GABRB2: variants seen among roughly 807,000 people sequenced by gnomAD.
GABRB2 encodes gamma-aminobutyric acid receptor subunit beta-2.
GABRB2 carries 16 observed loss-of-function variants against 54.7 expected under a neutral mutation model. That is an observed-to-expected ratio of 0.29 (90% CI 0.20 to 0.44). GABRB2 has a LOEUF of 0.44. GABRB2 is among the 20% of genes least tolerant of loss of function. GABRB2 has a pLI of 1.00. For missense variants in GABRB2, 355 were observed against 644.0 expected (o/e 0.55, Z 4.86); for synonymous variants, 244 against 233.8 (o/e 1.04, Z -0.40).
intron 3 of GABRB2, among the ~76,000 whole-genome samples, chr5:161,534,796 GA>G (rs769693285): frequency 2.7e-4 from 41 of 151,876 alleles, no homozygotes; most frequent in Non-Finnish European, 5.0e-4. Flanking sequence ...AAGAAAAGAA[GA>G]AAAAACCCCA....
At chr5:161,340,023 C>A (rs1253176618) in intron 5 of GABRB2, among the ~76,000 whole-genome samples, 1 of 151,942 alleles carries the variant, frequency 6.6e-6, no homozygotes, top group Admixed American at 6.6e-5. Context: ...AACAGTATTT[C>A]TTATATAAGG....
At chr5:161,528,625 A>G (rs1760357865) in intron 3 of GABRB2, among the ~76,000 whole-genome samples, 1 of 151,824 alleles carries the variant, frequency 6.6e-6, no homozygotes, top group South Asian at 2.1e-4. Flanking sequence ...ATAATTTATC[A>G]AAAAATGTAA....
chr5:161,359,523 G>A (rs904796719), intron 5 of GABRB2, among the ~76,000 whole-genome samples: 3 of 151,858 alleles, frequency 2.0e-5, no homozygotes, highest in East Asian at 3.9e-4. Flanking sequence ...CAGGGTATAA[G>A]GATGGCAGTA....
intron 5 of GABRB2, among the ~76,000 whole-genome samples, chr5:161,381,858 T>C (rs926663727): frequency 6.6e-5 from 10 of 152,328 alleles, no homozygotes; most frequent in Admixed American, 2.6e-4. Context: ...TAAATAATGA[T>C]AGATATTTCA....
chr5:161,299,125 T>C (rs1757464911), intron 9 of GABRB2, among the ~76,000 whole-genome samples: 2 of 152,120 alleles, frequency 1.3e-5, no homozygotes, highest in South Asian at 4.2e-4. Flanking sequence ...ATGTCTACAG[T>C]TAAATATGTC....
chr5:161,319,907 T>C (rs1758158659), intron 9 of GABRB2, among the ~76,000 whole-genome samples: 1 of 151,714 alleles, frequency 6.6e-6, no homozygotes. Context: ...TTTTTTCTAA[T>C]TCATATTTTC....
chr5:161,494,724 G>A (rs1759179364), intron 3 of GABRB2, among the ~76,000 whole-genome samples: 1 of 151,692 alleles, frequency 6.6e-6, no homozygotes, highest in South Asian at 2.1e-4. Flanking sequence ...TGTTTCTCCA[G>A]GCAGCAAATA....
chr5:161,372,073 C>T (rs143186963), intron 5 of GABRB2, among the ~76,000 whole-genome samples: 11 of 152,130 alleles, frequency 7.2e-5, no homozygotes, highest in African/African-American at 1.4e-4. Context: ...ATTACCTAGT[C>T]GATTAAATCC....
chr5:161,411,106 G>C lies in GABRB2; in HGVS notation c.459-49C>G, dbSNP rs375677228. On this transcript the variant is annotated intron_variant, in intron 4 of 9. Coordinates refer to ENST00000393959, the MANE Select transcript of GABRB2 (RefSeq NM_001371727.1). ...AGTGTTGTTAGCAGGTCTAAGGCTGGAGCTGGAAATTTAAATCTAAGTATC... is the reference window on the plus strand; with the variant it reads ...AGTGTTGTTAGCAGGTCTAAGGCTGCAGCTGGAAATTTAAATCTAAGTATC... The C allele has an allele frequency of 5.7e-6, 8 of 1,412,696 alleles. No homozygotes were observed. In the African/African-American group the frequency reaches 1.1e-4, roughly 20 times the overall value. The allele number at this position is 1,412,696 out of a possible 1,614,324, so 87.5% of individuals were successfully genotyped here.
intron 3 of GABRB2, among the ~76,000 whole-genome samples, chr5:161,532,567 C>T (rs1760495642): frequency 6.6e-6 from 1 of 152,084 alleles, no homozygotes; most frequent in African/African-American, 2.4e-5. Flanking sequence ...AAAATGTATA[C>T]TCAACATTTT....
At chr5:161,441,178 C>A (rs1365744412) in intron 4 of GABRB2, among the ~76,000 whole-genome samples, 3 of 151,950 alleles carry the variant, frequency 2.0e-5, no homozygotes, top group Admixed American at 2.0e-4. Context: ...AAGAGACAAC[C>A]CGAAGAATGA....
At chr5:161,373,558 C>T (rs537129245) in intron 5 of GABRB2, among the ~76,000 whole-genome samples, 28 of 152,300 alleles carry the variant, frequency 1.8e-4, no homozygotes, top group African/African-American at 6.7e-4. Flanking sequence ...CACTTTGCAA[C>T]ATTTTTCTCA....
chr5:161,352,644 G>A (rs957002989), intron 5 of GABRB2, among the ~76,000 whole-genome samples: 2 of 151,958 alleles, frequency 1.3e-5, no homozygotes, highest in African/African-American at 2.4e-5. Context: ...CCACATTGTA[G>A]CTATAGTTAA....
chr5:161,422,403 C>A (rs1004689530), intron 4 of GABRB2, among the ~76,000 whole-genome samples: 1 of 151,786 alleles, frequency 6.6e-6, no homozygotes. Flanking sequence ...AATTTTGATC[C>A]AGTCACATGA....
At chr5:161,505,729 A>T (rs1342530596) in intron 3 of GABRB2, among the ~76,000 whole-genome samples, 2 of 152,186 alleles carry the variant, frequency 1.3e-5, no homozygotes, top group African/African-American at 4.8e-5. Context: ...AAACGTGGCA[A>T]AATTCAACAC....
chr5:161,542,704 G>C (rs1415531429), intron 3 of GABRB2, among the ~76,000 whole-genome samples: 1 of 152,186 alleles, frequency 6.6e-6, no homozygotes, highest in African/African-American at 2.4e-5. Flanking sequence ...TATATCATAA[G>C]AGAAAGTTAC....
chr5:161,320,378 A>G (rs934675288), intron 9 of GABRB2, among the ~76,000 whole-genome samples: 6 of 151,510 alleles, frequency 4.0e-5, no homozygotes, highest in African/African-American at 1.5e-4. Context: ...GACACACGTG[A>G]CTTGTACATA....
chr5:161,301,484 C>A (rs1757536607), intron 9 of GABRB2, among the ~76,000 whole-genome samples: 1 of 151,830 alleles, frequency 6.6e-6, no homozygotes, highest in Non-Finnish European at 1.5e-5. Context: ...TCAGAAGGAC[C>A]ATGTGGCAAT....
chr5:161,538,707 C>T (rs902180480), intron 3 of GABRB2, among the ~76,000 whole-genome samples: 4 of 152,016 alleles, frequency 2.6e-5, no homozygotes, highest in Non-Finnish European at 5.9e-5. Flanking sequence ...GCCTGTAGTC[C>T]CAGCTACTCG....
Sources: allele counts gnomAD v4.1 joint callset (sites outside exome capture counted in the v4.1 genomes callset), GRCh38; gene constraint gnomAD v4.1.1; transcripts MANE v1.5; gene names NCBI Gene and HGNC (gene_info 2026-07-23, HGNC 2026-07-21).